UBR3: variants seen among roughly 807,000 people sequenced by gnomAD.
UBR3 encodes the protein E3 ubiquitin-protein ligase UBR3.
In UBR3, 85 loss-of-function variants were observed where a neutral mutation model predicts 243.2. The ratio of observed to expected loss-of-function variants is 0.35; its 90% CI spans 0.29 to 0.42. UBR3 has a LOEUF of 0.42. Among genes scored for constraint, UBR3 ranks in the 10% least tolerant of loss-of-function variants. The pLI, the probability that UBR3 is intolerant of heterozygous loss-of-function variation, is 1.00. For synonymous variants in UBR3, 748 were observed against 799.8 expected, an observed-to-expected ratio of 0.94 and a Z score of 1.09; for missense variants, 1,686 against 2,300.8, an observed-to-expected ratio of 0.73 and a Z score of 5.47.
chr2:170,081,296 C>T (rs980557446), intron 38 of UBR3, among the ~76,000 whole-genome samples: 10 of 152,022 alleles, frequency 6.6e-5, no homozygotes, highest in Non-Finnish European at 7.4e-5. Flanking sequence ...GTCAGGAGTT[C>T]GAGACCAGGC....
chr2:170,005,646 G>A (rs1282292649), intron 27 of UBR3, among the ~76,000 whole-genome samples: 1 of 152,162 alleles, frequency 6.6e-6, no homozygotes, highest in Non-Finnish European at 1.5e-5. Context: ...GTAATTTTGA[G>A]TTATTACAGG....
intron 10 of UBR3, among the ~76,000 whole-genome samples, chr2:169,909,376 A>T (rs72891929): frequency 0.02 from 2,990 of 152,292 alleles, 105 homozygotes; most frequent in Admixed American, 0.093. Context: ...GGGAAGCAGC[A>T]AGACCAGGAG....
At position 169,929,691 on chromosome 2, in the gene UBR3, G is replaced by T. The variant is rs145567252; in HGVS notation, c.2566+823G>T. 1.4e-3 allele frequency among the ~76,000 whole-genome samples: 219 copies of T among 152,272 alleles called. 2 individuals carry two copies. The highest frequency in any genetic ancestry group is 1.0e-3 in the Non-Finnish European group (71 of 68,024). ...TGATTGGTTTTGGAAGGTTTCTCCC[G>T]CATAGATTCATAGTTGACATCCTTG... On this transcript the variant is annotated intron_variant, in intron 18 of 38. Coordinates refer to ENST00000272793, the MANE Select transcript of UBR3 (RefSeq NM_172070.4).
chr2:170,017,546 GACACAC>G (rs34813217), intron 30 of UBR3, among the ~76,000 whole-genome samples: 1,533 of 125,758 alleles, frequency 0.012, 11 homozygotes, highest in Non-Finnish European at 0.011. Context: ...CACACACACA[GACACAC>G]ACACACACAC....
chr2:169,979,922 G>A (rs1360337014), intron 24 of UBR3, among the ~76,000 whole-genome samples: 1 of 152,144 alleles, frequency 6.6e-6, no homozygotes, highest in Non-Finnish European at 1.5e-5. Flanking sequence ...ATCCCAGGAT[G>A]GAATGCAGAC....
chr2:169,992,948 A>G (rs1221930428), intron 25 of UBR3, among the ~76,000 whole-genome samples: 1 of 150,288 alleles, frequency 6.7e-6, no homozygotes, highest in Non-Finnish European at 1.5e-5. Flanking sequence ...TTTATTAGAG[A>G]TGGGGTTTTG....
chr2:170,023,794 T>C (rs992713526), intron 30 of UBR3, among the ~76,000 whole-genome samples: 1 of 152,126 alleles, frequency 6.6e-6, no homozygotes, highest in Non-Finnish European at 1.5e-5. Context: ...GGTTTCACCG[T>C]CTTGAACTCC....
At chr2:170,056,847 G>A (rs2091347383) in intron 33 of UBR3, among the ~76,000 whole-genome samples, 1 of 152,072 alleles carries the variant, frequency 6.6e-6, no homozygotes, top group Admixed American at 6.5e-5. Context: ...TTTATTATGT[G>A]TCAGTTGGCC....
intron 1 of UBR3, among the ~76,000 whole-genome samples, chr2:169,841,855 C>T (rs1042242632): frequency 1.3e-5 from 2 of 152,240 alleles, no homozygotes; most frequent in Admixed American, 1.3e-4. Context: ...GCTTCCCCGA[C>T]GAGCACCACC....
intron 35 of UBR3, among the ~76,000 whole-genome samples, chr2:170,063,345 A>G (rs1324697642): frequency 1.3e-5 from 2 of 152,166 alleles, no homozygotes; most frequent in Admixed American, 1.3e-4. Context: ...GTATATTCAG[A>G]TTGAGGGATA....
At position 170,047,258 on chromosome 2, in the gene UBR3, C is replaced by T. The variant is rs1186212918; in HGVS notation, c.4660+6273C>T. ...ACTCTGGGCTCAAGGAATCCACCTGCCTTGGCCTCCCAAGGTGCTGGAATT... is the reference window on the plus strand; with the variant it reads ...ACTCTGGGCTCAAGGAATCCACCTGTCTTGGCCTCCCAAGGTGCTGGAATT... On this transcript the variant is annotated intron_variant, in intron 32 of 38. Transcript: ENST00000272793. 2.0e-5 allele frequency among the ~76,000 whole-genome samples: 3 copies of T among 152,112 alleles called. No individual in the cohort carries two copies. The East Asian group carries it at 5.8e-4, about 29-fold the overall frequency.
At chr2:169,955,591 C>T (rs905511734) in intron 23 of UBR3, among the ~76,000 whole-genome samples, 8 of 151,654 alleles carry the variant, frequency 5.3e-5, no homozygotes, top group Non-Finnish European at 1.2e-4. Flanking sequence ...GTCAGGAGTT[C>T]GAGATCAGCC....
intron 1 of UBR3, among the ~76,000 whole-genome samples, chr2:169,842,506 T>A (rs113405688): frequency 5.9e-5 from 9 of 152,262 alleles, no homozygotes; most frequent in Admixed American, 3.3e-4. Flanking sequence ...TTGCAATAAA[T>A]CTTGCTACTG....
chr2:169,972,514 A>C (rs375422282), intron 24 of UBR3, among the ~76,000 whole-genome samples: 1 of 152,244 alleles, frequency 6.6e-6, no homozygotes, highest in Non-Finnish European at 1.5e-5. Context: ...AAAAATCCTC[A>C]ATAAAATACT....
At chr2:169,860,926 C>T (rs1329095554) in intron 1 of UBR3, among the ~76,000 whole-genome samples, 2 of 152,186 alleles carry the variant, frequency 1.3e-5, no homozygotes, top group East Asian at 1.9e-4. Flanking sequence ...TCTGTGGCCA[C>T]AGGCCCGAGA....
rs150697581 is a variant in UBR3 at position 169,948,334 on chromosome 2, CTTTT to C, written c.3084+625_3084+628del. Reference sequence around the variant, plus strand: ...TAGCAGCATGCTCATTTGCAAATAACTTTTTTTTTGCTTCTATGGCAATTAACTT... The same window carrying C: ...TAGCAGCATGCTCATTTGCAAATAACTTTTTGCTTCTATGGCAATTAACTT... On this transcript the variant is annotated intron_variant, in intron 22 of 38. Transcript: ENST00000272793. Among the ~76,000 whole-genome samples, 268 of 151,096 alleles carry C rather than the reference CTTTT, an allele frequency of 1.8e-3. 2 individuals carry two copies. The East Asian group carries it at 0.046, about 26-fold the overall frequency.
intron 32 of UBR3, among the ~76,000 whole-genome samples, chr2:170,044,207 G>A (rs2091031248): frequency 6.6e-6 from 1 of 152,132 alleles, no homozygotes; most frequent in Non-Finnish European, 1.5e-5. Context: ...GTAAGAATAT[G>A]TATTTGTGTA....
At chr2:169,860,931 C>A (rs1174178781) in intron 1 of UBR3, among the ~76,000 whole-genome samples, 1 of 152,118 alleles carries the variant, frequency 6.6e-6, no homozygotes, top group South Asian at 2.1e-4. Context: ...GGCCACAGGC[C>A]CGAGAGCCCC....
At chr2:169,898,565 T>G (rs1392660518) in intron 8 of UBR3, among the ~76,000 whole-genome samples, 1 of 152,168 alleles carries the variant, frequency 6.6e-6, no homozygotes, top group Non-Finnish European at 1.5e-5. Flanking sequence ...TTGTCTAACT[T>G]CAAAGCCTGT....
Sources: gnomAD v4.1 joint callset for allele counts (sites outside exome capture counted in the v4.1 genomes callset) on GRCh38, gnomAD v4.1.1 for gene constraint, MANE v1.5 for transcripts, NCBI Gene and HGNC (gene_info 2026-07-23, HGNC 2026-07-21) for gene names.